Variants in CREB1 observed in about 807,000 individuals in gnomAD.
CREB1 encodes the protein cyclic AMP-responsive element-binding protein 1.
A neutral mutation model predicts 42.0 loss-of-function variants in CREB1; 2 were observed. That is an observed-to-expected ratio of 0.05 (90% CI 0.02 to 0.15). The LOEUF is 0.15. Among genes scored for constraint, CREB1 ranks in the 10% least tolerant of loss-of-function variants. The probability of loss-of-function intolerance (pLI) is 1.00; values close to 1 mark genes in which losing one functional copy is unlikely to be tolerated. For missense variants in CREB1, 199 were observed against 388.9 expected (o/e 0.51, Z 4.11); for synonymous variants, 123 against 139.9 (o/e 0.88, Z 0.85).
rs1010444948 is a variant in CREB1, at chr2:207,605,352, A to G, written c.*8294A>G. 7.2e-5 allele frequency among the ~76,000 whole-genome samples: 11 copies of G among 152,138 alleles called. No homozygotes were observed. The highest frequency in any genetic ancestry group is 2.7e-4 in the African/African-American group (11 of 41,430). On this transcript the variant is annotated 3_prime_UTR_variant, in exon 8 of 8. Transcript: ENST00000353267. Reference sequence around the variant, plus strand: ...TTTTGTTGTCTTTGGCCATCTGCGTATCTTCTTTGAAGAAATGTCTGTTGA... The same window carrying G: ...TTTTGTTGTCTTTGGCCATCTGCGTGTCTTCTTTGAAGAAATGTCTGTTGA...
At chr2:207,550,822 G>A (rs1037721461) in intron 1 of CREB1, among the ~76,000 whole-genome samples, 5 of 152,138 alleles carry the variant, frequency 3.3e-5, no homozygotes, top group African/African-American at 1.2e-4. Context: ...GAGTTAGATG[G>A]TCAGCCTTGT....
chr2:207,569,921 C>T (rs2709385), intron 4 of CREB1, among the ~76,000 whole-genome samples: 23,838 of 151,052 alleles, frequency 0.16, 2,060 homozygotes, highest in Middle Eastern at 0.2. Context: ...GGCAGGCGCC[C>T]GTAGTCCCAC....
intron 1 of CREB1, among the ~76,000 whole-genome samples, chr2:207,533,092 T>TC (rs2080719688): frequency 6.6e-6 from 1 of 152,088 alleles, no homozygotes; most frequent in South Asian, 2.1e-4. Flanking sequence ...GAATCTTTTT[T>TC]TTTTTTTCAT....
intron 1 of CREB1, among the ~76,000 whole-genome samples, chr2:207,533,964 A>G (rs1202725266): frequency 6.6e-6 from 1 of 152,238 alleles, no homozygotes; most frequent in Non-Finnish European, 1.5e-5. Context: ...ATGTAAAATT[A>G]GAATACTACT....
chr2:207,555,133 T>C (rs1186795307), intron 1 of CREB1, among the ~76,000 whole-genome samples: 1 of 152,208 alleles, frequency 6.6e-6, no homozygotes, highest in Non-Finnish European at 1.5e-5. Flanking sequence ...TAATCACTTT[T>C]AGAAGTAGCT....
chr2:207,577,363 C>T, intron 6 of CREB1, 142 bp from the exon 7 acceptor site: 1 of 1,199,358 alleles, frequency 8.3e-7, no homozygotes, highest in Non-Finnish European at 1.1e-6. Context: ...AGTGCTGATT[C>T]TTTCAACGCT....
At position 207,599,965 on chromosome 2, in the gene CREB1, C is replaced by G. The variant is rs2086756474; in HGVS notation, c.*2907C>G. ...ATATAGGGCCATGTGGCACTTTTATCTATAGGACAGATTAATAAAAATGAA... is the reference window on the plus strand; with the variant it reads ...ATATAGGGCCATGTGGCACTTTTATGTATAGGACAGATTAATAAAAATGAA... On this transcript the variant is annotated 3_prime_UTR_variant, in exon 8 of 8. Transcript: ENST00000353267. 1 of 192,242 alleles carries G rather than the reference C, an allele frequency of 5.2e-6. No individual in the cohort carries two copies. The highest frequency in any genetic ancestry group is 1.1e-5 in the Non-Finnish European group (1 of 92,134). The allele number at this position is 192,242 out of a possible 1,614,324, so 11.9% of individuals were successfully genotyped here.
At chr2:207,571,488 G>A (rs2082362034) in intron 5 of CREB1, among the ~76,000 whole-genome samples, 1 of 152,158 alleles carries the variant, frequency 6.6e-6, no homozygotes. Flanking sequence ...TGCCAAGGCT[G>A]AAACTTTTGA....
intron 1 of CREB1, among the ~76,000 whole-genome samples, chr2:207,545,288 A>G (rs902664322): frequency 6.6e-6 from 1 of 152,082 alleles, no homozygotes; most frequent in African/African-American, 2.4e-5. Flanking sequence ...GCTCACTGCA[A>G]CCTCTGTCTC....
chr2:207,597,193 A>C lies in CREB1; in HGVS notation c.*135A>C. ...CAAAACTGCCTGAAAGCAACTACAGAATTTCATTCATTTGTGCTTTTGCAT... is the reference window on the plus strand; with the variant it reads ...CAAAACTGCCTGAAAGCAACTACAGCATTTCATTCATTTGTGCTTTTGCAT... On this transcript the variant is annotated 3_prime_UTR_variant, in exon 8 of 8. Coordinates refer to ENST00000353267, the MANE Select transcript of CREB1 (RefSeq NM_004379.5). 2 of 910,984 alleles carry C rather than the reference A, an allele frequency of 2.2e-6. No homozygotes were observed. The highest frequency in any genetic ancestry group is 3.1e-6 in the Non-Finnish European group (2 of 638,468). 56.4% of individuals were successfully genotyped at this position (910,984 alleles called of 1,614,324 possible).
chr2:207,533,529 AT>A (rs1483616663), intron 1 of CREB1, among the ~76,000 whole-genome samples: 1 of 152,210 alleles, frequency 6.6e-6, no homozygotes, highest in African/African-American at 2.4e-5. Context: ...TTATAATTTC[AT>A]TTATTCCATA....
At chr2:207,593,970 C>T (rs1364195205) in intron 7 of CREB1, among the ~76,000 whole-genome samples, 1 of 152,160 alleles carries the variant, frequency 6.6e-6, no homozygotes, top group Non-Finnish European at 1.5e-5. Context: ...CTGCCTGCCT[C>T]AGCCTCCCAA....
At chr2:207,551,673 T>C (rs2081509053) in intron 1 of CREB1, among the ~76,000 whole-genome samples, 1 of 152,174 alleles carries the variant, frequency 6.6e-6, no homozygotes, top group Admixed American at 6.6e-5. Context: ...AATACTTCCT[T>C]TACCATAAAT....
At chr2:207,596,807 T>C (rs933087871) in intron 7 of CREB1, 107 bp from the exon 8 acceptor site, 1 of 1,241,160 alleles carries the variant, frequency 8.1e-7, no homozygotes, top group African/African-American at 1.6e-5. Flanking sequence ...TATACTAAAA[T>C]GTTGGTTGCT....
intron 1 of CREB1, among the ~76,000 whole-genome samples, chr2:207,546,040 T>G (rs2081291332): frequency 6.6e-6 from 1 of 152,224 alleles, no homozygotes; most frequent in Non-Finnish European, 1.5e-5. Flanking sequence ...TGGCCAAACA[T>G]ATTTTTCTTT....
At chr2:207,577,715 G>T in intron 7 of CREB1, 60 bp downstream of exon 7, 1 of 1,573,220 alleles carries the variant, frequency 6.4e-7, no homozygotes, top group Non-Finnish European at 8.7e-7. Flanking sequence ...CATTCTGCTG[G>T]ATGTGTATCT....
At chr2:207,577,435 AT>A in intron 6 of CREB1, 69 bp from the exon 7 acceptor site, 1 of 1,553,674 alleles carries the variant, frequency 6.4e-7, no homozygotes, top group South Asian at 1.2e-5. Context: ...GCTTAGATTG[AT>A]GATTGATACA....
chr2:207,532,580 G>A (rs2080690863), intron 1 of CREB1, among the ~76,000 whole-genome samples: 1 of 151,462 alleles, frequency 6.6e-6, no homozygotes, highest in Non-Finnish European at 1.5e-5. Context: ...AGCTGAGGCA[G>A]GAGAATCTCT....
intron 5 of CREB1, 115 bp downstream of exon 5, chr2:207,570,436 G>C: frequency 4.0e-6 from 4 of 993,198 alleles, no homozygotes. Context: ...TCTCAGTTTT[G>C]CTGCCATTAT....
Sources: allele counts gnomAD v4.1 joint callset (sites outside exome capture counted in the v4.1 genomes callset), GRCh38; gene constraint gnomAD v4.1.1; transcripts MANE v1.5; gene names NCBI Gene and HGNC (gene_info 2026-07-23, HGNC 2026-07-21).